The following ELP4 variants were observed in gnomAD, a reference collection of about 807,000 sequenced individuals.
ELP4 encodes the protein elongator complex protein 4.
In ELP4, 51 loss-of-function variants were observed where a neutral mutation model predicts 48.9. That is an observed-to-expected ratio of 1.04 (90% CI 0.83 to 1.32). The LOEUF (loss-of-function observed/expected upper bound fraction) is 1.32. Among genes scored for constraint, ELP4 ranks in the 40% most tolerant of loss-of-function variants. The pLI, the probability that ELP4 is intolerant of heterozygous loss-of-function variation, is 0.00. For synonymous variants in ELP4, 210 were observed against 189.2 expected, an observed-to-expected ratio of 1.11 and a Z score of -0.90; for missense variants, 519 against 514.6, an observed-to-expected ratio of 1.01 and a Z score of -0.08.
At chr11:31,707,253 A>T (rs1190751199) in intron 9 of ELP4, 1 of 356,756 alleles carries the variant, frequency 2.8e-6, no homozygotes, top group East Asian at 4.0e-5. Context: ...GTAAGTATAT[A>T]TATGAAATAA....
chr11:31,709,505 A>G (rs190414401), intron 9 of ELP4, among the ~76,000 whole-genome samples: 1 of 152,242 alleles, frequency 6.6e-6, no homozygotes. Flanking sequence ...CTCGTAAAAT[A>G]TGATCCCTCT....
At chr11:31,714,724 G>C (rs1192163076) in intron 9 of ELP4, 1 of 398,460 alleles carries the variant, frequency 2.5e-6, no homozygotes, top group Non-Finnish European at 4.4e-6. Context: ...TCTAGAGGTT[G>C]CCTGCATTCC....
chr11:31,753,928 G>A (rs1947780311), intron 9 of ELP4, among the ~76,000 whole-genome samples: 1 of 152,124 alleles, frequency 6.6e-6, no homozygotes, highest in Non-Finnish European at 1.5e-5. Context: ...AGATACACAG[G>A]AATCTTCACT....
intron 9 of ELP4, among the ~76,000 whole-genome samples, chr11:31,783,174 C>T (rs1948418719): frequency 6.6e-6 from 1 of 152,022 alleles, no homozygotes; most frequent in Non-Finnish European, 1.5e-5. Flanking sequence ...ATTCCTGGTA[C>T]GGTTTCTGTG....
At chr11:31,704,102 A>G (rs1946580198) in intron 9 of ELP4, among the ~76,000 whole-genome samples, 1 of 152,064 alleles carries the variant, frequency 6.6e-6, no homozygotes, top group African/African-American at 2.4e-5. Context: ...AAAAAAAAAA[A>G]TTTAGTTTGC....
intron 3 of ELP4, among the ~76,000 whole-genome samples, chr11:31,586,249 T>A (rs1260477332): frequency 1.3e-5 from 2 of 152,120 alleles, no homozygotes; most frequent in Admixed American, 1.3e-4. Flanking sequence ...TACCTAACAT[T>A]TATATCAACA....
intron 3 of ELP4, among the ~76,000 whole-genome samples, chr11:31,575,237 A>G (rs1957254440): frequency 6.6e-6 from 1 of 152,240 alleles, no homozygotes. Flanking sequence ...AGAAGTTTAG[A>G]GAAAAAAGAC....
intron 9 of ELP4, among the ~76,000 whole-genome samples, chr11:31,667,827 G>A (rs1565103213): frequency 6.6e-6 from 1 of 152,068 alleles, no homozygotes; most frequent in South Asian, 2.1e-4. Context: ...ACACTGACTC[G>A]TGCTACTCAG....
intron 9 of ELP4, among the ~76,000 whole-genome samples, chr11:31,743,604 C>T (rs1255794413): frequency 2.0e-5 from 3 of 151,806 alleles, no homozygotes; most frequent in Non-Finnish European, 2.9e-5. Flanking sequence ...CACTCAAAAC[C>T]GCTCAACTAC....
At chr11:31,695,405 A>G (rs983490846) in intron 9 of ELP4, among the ~76,000 whole-genome samples, 17 of 152,068 alleles carry the variant, frequency 1.1e-4, no homozygotes, top group South Asian at 4.1e-4. Flanking sequence ...TTCTGCATCT[A>G]TTGAGATAAT....
intron 6 of ELP4, 121 bp from the exon 7 acceptor site, chr11:31,632,096 T>G (rs924407548): frequency 4.2e-6 from 3 of 719,004 alleles, no homozygotes; most frequent in South Asian, 4.6e-5. Context: ...ACATAAAAAT[T>G]TTTAACACAT....
intron 3 of ELP4, among the ~76,000 whole-genome samples, chr11:31,545,562 A>C (rs1205493929): frequency 2.0e-5 from 3 of 152,202 alleles, no homozygotes; most frequent in Admixed American, 1.3e-4. Context: ...AACACTCTGC[A>C]GGATATTATC....
chr11:31,548,632 C>A (rs1386428675), intron 3 of ELP4, among the ~76,000 whole-genome samples: 2 of 152,086 alleles, frequency 1.3e-5, no homozygotes, highest in Non-Finnish European at 2.9e-5. Flanking sequence ...TTGGAAAAAA[C>A]TACTTTAAAG....
chr11:31,692,645 G>A (rs1052079796), intron 9 of ELP4, among the ~76,000 whole-genome samples: 3 of 152,114 alleles, frequency 2.0e-5, no homozygotes, highest in African/African-American at 7.2e-5. Context: ...TTGCAGAAAA[G>A]CAGGAGATCA....
chr11:31,573,239 C>A (rs879527017), intron 3 of ELP4, among the ~76,000 whole-genome samples: 1 of 152,192 alleles, frequency 6.6e-6, no homozygotes, highest in Non-Finnish European at 1.5e-5. Flanking sequence ...CACCACTTGA[C>A]CCCTGGCAAC....
chr11:31,788,540 T>G lies in ELP4; in HGVS notation c.*5016T>G, dbSNP rs776894983. 66 of 222,510 alleles carry G rather than the reference T, an allele frequency of 3.0e-4. No homozygotes were observed. Among genetic ancestry groups the G allele is most frequent in the Non-Finnish European group, 4.9e-4 (54 of 111,308 alleles). The allele number at this position is 222,510 out of a possible 1,614,324, so 13.8% of individuals were successfully genotyped here. A position where few individuals can be genotyped will look rare whatever the true frequency, so the allele number is the denominator to read the frequency against. ...TTAAGAAATCTACTTTTGAATATACTTCAGTGAAATCATTGTTGAAATAGG... is the reference window on the plus strand; with the variant it reads ...TTAAGAAATCTACTTTTGAATATACGTCAGTGAAATCATTGTTGAAATAGG... On this transcript the variant is annotated 3_prime_UTR_variant, in exon 10 of 10. Coordinates refer to ENST00000640961, the MANE Select transcript of ELP4 (RefSeq NM_019040.5).
At chr11:31,639,314 A>G (rs1008732701) in intron 7 of ELP4, among the ~76,000 whole-genome samples, 3 of 151,948 alleles carry the variant, frequency 2.0e-5, no homozygotes, top group Admixed American at 2.0e-4. Flanking sequence ...TATCCATTTC[A>G]GTTTTACATC....
At chr11:31,681,741 C>CTTTT in intron 9 of ELP4, 4 of 141,624 alleles carry the variant, frequency 2.8e-5, no homozygotes, top group South Asian at 4.0e-4. Context: ...TATTTCTTTC[C>CTTTT]TTTTTTTTTT....
At chr11:31,759,220 T>C (rs1285056713) in intron 9 of ELP4, among the ~76,000 whole-genome samples, 1 of 152,174 alleles carries the variant, frequency 6.6e-6, no homozygotes, top group African/African-American at 2.4e-5. Context: ...AATTTACAAA[T>C]CAAGAAGTTC....
Sources: gnomAD v4.1 joint callset for allele counts (sites outside exome capture counted in the v4.1 genomes callset) on GRCh38, gnomAD v4.1.1 for gene constraint, MANE v1.5 for transcripts, NCBI Gene and HGNC (gene_info 2026-07-23, HGNC 2026-07-21) for gene names.